The following SSR2 variants were observed in gnomAD, a reference collection of about 807,000 sequenced individuals.
SSR2 encodes signal sequence receptor subunit 2.
In SSR2, 16 loss-of-function variants were observed where a neutral mutation model predicts 22.6. The observed-to-expected ratio is 0.71, with a 90% confidence interval of 0.48 to 1.08. The LOEUF (loss-of-function observed/expected upper bound fraction) is 1.08. Ranked by LOEUF, SSR2 falls within the 50% of genes least tolerant of loss-of-function variation. The pLI is 0.00. For synonymous variants in SSR2, 83 were observed against 91.2 expected, an observed-to-expected ratio of 0.91 and a Z score of 0.51; for missense variants, 171 against 221.6, an observed-to-expected ratio of 0.77 and a Z score of 1.45.
chr1:156,012,812 T>G, intron 4 of SSR2: 1 of 295,452 alleles, frequency 3.4e-6, no homozygotes, highest in East Asian at 7.9e-5. Flanking sequence ...ATTTATGACT[T>G]AAGCTTTTTG....
chr1:156,009,446 G>T lies in SSR2; in HGVS notation c.*94C>A. On this transcript the variant is annotated 3_prime_UTR_variant, in exon 6 of 6. Coordinates refer to ENST00000295702, the MANE Select transcript of SSR2 (RefSeq NM_003145.4). ...GCCAAGGGCTAAGAGAGAAGAGATT[G>T]CATTTAAGATACCCTTTGGAGTCTG... The T allele has an allele frequency of 1.0e-6, 1 of 955,836 alleles. No homozygotes were observed. Among genetic ancestry groups the T allele is most frequent in the Non-Finnish European group, 1.7e-6 (1 of 595,510 alleles). 59.2% of individuals were successfully genotyped at this position (955,836 alleles called of 1,614,324 possible).
Position 156,015,008 on chromosome 1 carries a change from T to A in SSR2, c.316A>T (p.Thr106Ser). Residue 106 changes from threonine to serine, a missense_variant, in exon 4 of 6, where the codon ACC becomes TCC. Physicochemically the swap from Thr to Ser is moderately conservative, Grantham distance 58. Coordinates refer to ENST00000295702, the MANE Select transcript of SSR2 (RefSeq NM_003145.4). ...GCCAGGTAAGTAATTGTTGCCGAGG[T>A]GAAGTTGAAATAACCAGCCTTGAGA... ...RPLKAGYFNF[T>S]SATITYLAQE... 3 of 1,613,868 alleles carry A rather than the reference T, an allele frequency of 1.9e-6. No homozygotes were observed. Among genetic ancestry groups the A allele is most frequent in the Non-Finnish European group, 2.5e-6 (3 of 1,179,916 alleles).
intron 3 of SSR2, among the ~76,000 whole-genome samples, chr1:156,017,420 G>C (rs1343906444): frequency 6.6e-6 from 1 of 152,168 alleles, no homozygotes; most frequent in Non-Finnish European, 1.5e-5. Context: ...CGCGATCTCA[G>C]CTCACTGCAA....
intron 3 of SSR2, 64 bp downstream of exon 3, chr1:156,018,206 G>T: frequency 2.4e-6 from 3 of 1,265,430 alleles, no homozygotes; most frequent in Non-Finnish European, 3.5e-6. Context: ...AAGTACCCCT[G>T]CTGCTTTGCA....
chr1:156,010,388 A>G (rs1189754385), intron 5 of SSR2: 1 of 151,922 alleles, frequency 6.6e-6, no homozygotes, highest in Admixed American at 6.6e-5. Context: ...TTATTTTTTT[A>G]GAGATAGAGT....
At chr1:156,019,929 ACCC>A in intron 2 of SSR2, 81 bp downstream of exon 2, 1 of 1,473,092 alleles carries the variant, frequency 6.8e-7, no homozygotes, top group South Asian at 1.3e-5. Context: ...AGAAACCACT[ACCC>A]ACCAATATGC....
chr1:156,017,372 GAC>G (rs1558077995), intron 3 of SSR2, among the ~76,000 whole-genome samples: 1 of 152,194 alleles, frequency 6.6e-6, no homozygotes, highest in East Asian at 1.9e-4. Flanking sequence ...TTATTTTTGA[GAC>G]AGAGTCTTGC....
chr1:156,015,156 A>G, intron 3 of SSR2, 87 bp from the exon 4 acceptor site: 1 of 980,052 alleles, frequency 1.0e-6, no homozygotes. Flanking sequence ...CACTTACAAA[A>G]CATTTGCCAA....
chr1:156,013,613 T>G (rs188546165), intron 4 of SSR2: 1 of 153,100 alleles, frequency 6.5e-6, no homozygotes, highest in Non-Finnish European at 1.5e-5. Context: ...GAATAAGGAC[T>G]GAGTTGGGGG....
rs1169214264 is a variant in SSR2 at position 156,015,505 on chromosome 1, C to CAAAAA, written c.255-441_255-437dup. On this transcript the variant is annotated intron_variant, in intron 3 of 5. Transcript: ENST00000295702. Reference sequence around the variant, plus strand: ...TGGGTAACAGAGTGAGACTCCGCCTCAAAAAAAAAAAAAAAAAAAAAAAAA... The same window carrying CAAAAA: ...TGGGTAACAGAGTGAGACTCCGCCTCAAAAAAAAAAAAAAAAAAAAAAAAAAAAAA... 9.3e-4 allele frequency among the ~76,000 whole-genome samples: 38 copies of CAAAAA among 41,034 alleles called. 6 individuals carry two copies. The highest frequency in any genetic ancestry group is 3.9e-3 in the East Asian group (2 of 510). The allele number at this position is 41,034 out of a possible 152,430, so 26.9% of individuals were successfully genotyped here. A position where few individuals can be genotyped will look rare whatever the true frequency, so the allele number is the denominator to read the frequency against.
chr1:156,010,138 T>A (rs1558076026), intron 5 of SSR2: 1 of 153,036 alleles, frequency 6.5e-6, no homozygotes, highest in Non-Finnish European at 1.5e-5. Flanking sequence ...ACCGCAGCCT[T>A]GATCTCCTGG....
chr1:156,009,734 G>A, intron 5 of SSR2, 84 bp from the exon 6 acceptor site: 1 of 893,666 alleles, frequency 1.1e-6, no homozygotes, highest in East Asian at 2.5e-5. Context: ...CAATGAGAAA[G>A]GGAGCAGTCT....
chr1:156,012,408 G>A (rs1445904349), intron 4 of SSR2: 2 of 382,938 alleles, frequency 5.2e-6, no homozygotes, highest in African/African-American at 2.1e-5. Context: ...ATTAGAGGAG[G>A]GGTTGAGTCT....
intron 4 of SSR2, chr1:156,012,730 C>A: frequency 5.9e-6 from 2 of 339,436 alleles, no homozygotes; most frequent in Admixed American, 7.3e-5. Context: ...TACTAATTAG[C>A]CTACAGCCCT....
intron 3 of SSR2, among the ~76,000 whole-genome samples, chr1:156,017,166 T>A (rs1683070001): frequency 6.6e-6 from 1 of 151,934 alleles, no homozygotes; most frequent in Non-Finnish European, 1.5e-5. Flanking sequence ...CTCACCTCCA[T>A]CTCCCAAGTA....
At chr1:156,020,801 C>A (rs1472252024) in intron 1 of SSR2, 87 bp downstream of exon 1, 1 of 448,062 alleles carries the variant, frequency 2.2e-6, no homozygotes, top group Admixed American at 2.4e-5. Context: ...TTCCCGCCCT[C>A]CCCTAGCTAA....
chr1:156,020,607 C>T (rs1183665128), intron 1 of SSR2: 5 of 313,884 alleles, frequency 1.6e-5, no homozygotes, highest in Non-Finnish European at 3.2e-5. Flanking sequence ...ACCGCGGACT[C>T]GCGGGGTCCT....
At chr1:156,020,849 C>A in intron 1 of SSR2, 39 bp downstream of exon 1, 2 of 468,102 alleles carry the variant, frequency 4.3e-6, no homozygotes, top group South Asian at 3.1e-5. Flanking sequence ...ACGAGGCTCT[C>A]GCCTCTCCCG....
intron 2 of SSR2, among the ~76,000 whole-genome samples, chr1:156,019,541 C>T (rs557140758): frequency 2.8e-4 from 43 of 152,170 alleles, no homozygotes; most frequent in African/African-American, 1.0e-3. Context: ...TCCGCCACCA[C>T]GCCTGGCTAA....
Sources: gnomAD v4.1 joint callset for allele counts (sites outside exome capture counted in the v4.1 genomes callset) on GRCh38, gnomAD v4.1.1 for gene constraint, MANE v1.5 for transcripts, NCBI Gene and HGNC (gene_info 2026-07-23, HGNC 2026-07-21) for gene names.